Variants in ZFPM2 observed in about 807,000 individuals in gnomAD.
The protein encoded by ZFPM2 is zinc finger protein ZFPM2.
In ZFPM2, 20 loss-of-function variants were observed where a neutral mutation model predicts 98.6. The observed-to-expected ratio is 0.20, with a 90% CI of 0.14 to 0.29. The LOEUF (loss-of-function observed/expected upper bound fraction) is 0.29, where lower values mean the gene tolerates loss of function less well. Among genes scored for constraint, ZFPM2 ranks in the 10% least tolerant of loss-of-function variants. ZFPM2 has a pLI of 1.00. For synonymous variants in ZFPM2, 518 were observed against 502.7 expected, an observed-to-expected ratio of 1.03 and a Z score of -0.41; for missense variants, 1,310 against 1,388.6, an observed-to-expected ratio of 0.94 and a Z score of 0.90.
At chr8:105,584,110 C>A (rs568136467) in intron 4 of ZFPM2, among the ~76,000 whole-genome samples, 2 of 151,490 alleles carry the variant, frequency 1.3e-5, no homozygotes, top group East Asian at 3.9e-4. Flanking sequence ...TTTTTGGCAG[C>A]TGAAATAATT....
intron 5 of ZFPM2, among the ~76,000 whole-genome samples, chr8:105,735,008 T>C (rs1242004608): frequency 6.7e-6 from 1 of 149,982 alleles, no homozygotes; most frequent in Non-Finnish European, 1.5e-5. Flanking sequence ...TTAATATATA[T>C]TTGATTGGTG....
At chr8:105,671,379 A>G (rs1472290022) in intron 5 of ZFPM2, among the ~76,000 whole-genome samples, 1 of 151,822 alleles carries the variant, frequency 6.6e-6, no homozygotes, top group East Asian at 1.9e-4. Context: ...TCTTTTTTGT[A>G]TATAATCTTT....
chr8:105,478,172 G>A (rs1813048970), intron 3 of ZFPM2, among the ~76,000 whole-genome samples: 1 of 152,178 alleles, frequency 6.6e-6, no homozygotes, highest in African/African-American at 2.4e-5. Flanking sequence ...TCACACACTT[G>A]AGTTCAAGTG....
intron 5 of ZFPM2, among the ~76,000 whole-genome samples, chr8:105,694,107 T>C (rs1447412389): frequency 1.3e-5 from 2 of 151,010 alleles, no homozygotes; most frequent in Non-Finnish European, 3.0e-5. Flanking sequence ...CTGCCTCTGC[T>C]TCCCGAATAG....
chr8:105,330,635 T>TAC lies in ZFPM2; in HGVS notation c.40+11655_40+11656insCA, dbSNP rs1563607091. ...ACACATATATATATATATATATACA[T>TAC]ATATATATATATATTTTTCAGGAAT... On this transcript the variant is annotated intron_variant, in intron 1 of 7. Transcript: ENST00000407775. Among the ~76,000 whole-genome samples, 436 of 91,914 alleles carry TAC rather than the reference T, an allele frequency of 4.7e-3. 5 individuals are homozygous for TAC. The highest frequency in any genetic ancestry group is 6.1e-3 in the African/African-American group (137 of 22,328). The allele number at this position is 91,914 out of a possible 152,430, so 60.3% of individuals were successfully genotyped here.
At chr8:105,523,862 C>A (rs1237998941) in intron 3 of ZFPM2, among the ~76,000 whole-genome samples, 1 of 152,046 alleles carries the variant, frequency 6.6e-6, no homozygotes, top group Non-Finnish European at 1.5e-5. Context: ...TGTTCAGGCC[C>A]CCCTGTGGTC....
intron 1 of ZFPM2, among the ~76,000 whole-genome samples, chr8:105,332,674 G>C (rs1350008673): frequency 6.6e-6 from 1 of 151,668 alleles, no homozygotes; most frequent in Admixed American, 6.6e-5. Context: ...TTGATAGATA[G>C]AGGTATAAAT....
chr8:105,661,067 A>G (rs888531462), intron 5 of ZFPM2, among the ~76,000 whole-genome samples: 2 of 152,162 alleles, frequency 1.3e-5, no homozygotes, highest in African/African-American at 4.8e-5. Flanking sequence ...AACGCAGAAA[A>G]ATGCCTCAAA....
At chr8:105,790,203 G>T (rs1179514677) in intron 6 of ZFPM2, among the ~76,000 whole-genome samples, 1 of 150,994 alleles carries the variant, frequency 6.6e-6, no homozygotes, top group Non-Finnish European at 1.5e-5. Flanking sequence ...TTCTTCTAGG[G>T]TTTTTATGGT....
chr8:105,441,434 A>AGAGAGAGAGAGAGAG (rs1812236685), intron 2 of ZFPM2, among the ~76,000 whole-genome samples: 1 of 94,994 alleles, frequency 1.1e-5, no homozygotes, highest in African/African-American at 6.2e-5. Flanking sequence ...GAAAGAAAGA[A>AGAGAGAGAGAGAGAG]AGAGAGAGAG....
At chr8:105,712,839 A>G (rs530571061) in intron 5 of ZFPM2, among the ~76,000 whole-genome samples, 1 of 152,220 alleles carries the variant, frequency 6.6e-6, no homozygotes, top group Admixed American at 6.6e-5. Context: ...TAATTCACTT[A>G]GGATTATGGC....
chr8:105,417,174 TC>T (rs1201398684), intron 1 of ZFPM2, among the ~76,000 whole-genome samples: 1 of 152,098 alleles, frequency 6.6e-6, no homozygotes, highest in Non-Finnish European at 1.5e-5. Flanking sequence ...TCTTAAATTT[TC>T]ACATTAGCGT....
intron 3 of ZFPM2, among the ~76,000 whole-genome samples, chr8:105,445,899 C>A (rs1052467256): frequency 6.6e-6 from 1 of 151,538 alleles, no homozygotes; most frequent in Non-Finnish European, 1.5e-5. Flanking sequence ...TGCACCCAGC[C>A]TCTTACAGTT....
Position 105,776,730 on chromosome 8 carries a change from CTATT to C in ZFPM2, c.533-11984_533-11981del, listed in dbSNP as rs1312872484. 2.6e-5 allele frequency among the ~76,000 whole-genome samples: 4 copies of C among 152,086 alleles called. No individual in the cohort carries two copies. The East Asian group carries it at 7.7e-4, about 29-fold the overall frequency. On this transcript the variant is annotated intron_variant, in intron 5 of 7. Coordinates refer to ENST00000407775, the MANE Select transcript of ZFPM2 (RefSeq NM_012082.4). ...AGTTATTTTTGTTTGTAGCTACTGA[CTATT>C]TATATGCTTTTATTTCCTGGTATTC...
intron 1 of ZFPM2, among the ~76,000 whole-genome samples, chr8:105,329,168 A>G (rs2130663743): frequency 6.6e-6 from 1 of 151,938 alleles, no homozygotes; most frequent in East Asian, 1.9e-4. Context: ...TGGCTTCCCC[A>G]CCATCACAGG....
intron 4 of ZFPM2, among the ~76,000 whole-genome samples, chr8:105,633,396 G>A (rs1160473944): frequency 6.6e-6 from 1 of 152,150 alleles, no homozygotes; most frequent in Non-Finnish European, 1.5e-5. Flanking sequence ...GACTCATCGG[G>A]AAACACAGTC....
chr8:105,798,638 G>C, intron 6 of ZFPM2, 86 bp from the exon 7 acceptor site: 4 of 1,198,416 alleles, frequency 3.3e-6, no homozygotes, highest in Non-Finnish European at 4.8e-6. Context: ...AGCGGAGTCT[G>C]AGAAAAATTG....
At chr8:105,360,928 A>G (rs1812846654) in intron 1 of ZFPM2, among the ~76,000 whole-genome samples, 1 of 146,318 alleles carries the variant, frequency 6.8e-6, no homozygotes, top group Non-Finnish European at 1.5e-5. Flanking sequence ...GTGCCGCAGT[A>G]AACATAGGTG....
At chr8:105,786,896 T>C (rs1221975375) in intron 5 of ZFPM2, among the ~76,000 whole-genome samples, 1 of 152,218 alleles carries the variant, frequency 6.6e-6, no homozygotes, top group African/African-American at 2.4e-5. Flanking sequence ...TACACATAGC[T>C]GGACTTACCA....
Sources: allele counts gnomAD v4.1 joint callset (sites outside exome capture counted in the v4.1 genomes callset), GRCh38; gene constraint gnomAD v4.1.1; transcripts MANE v1.5; gene names NCBI Gene and HGNC (gene_info 2026-07-23, HGNC 2026-07-21).